GSTCD: variants seen among roughly 807,000 people sequenced by gnomAD.
GSTCD encodes the protein glutathione S-transferase C-terminal domain containing, also known as glutathione S-transferase C-terminal domain-containing protein.
A neutral mutation model predicts 68.3 loss-of-function variants in GSTCD; 44 were observed. That is an observed-to-expected ratio of 0.64 (90% CI 0.51 to 0.83). The LOEUF (loss-of-function observed/expected upper bound fraction) is 0.83, where lower values mean the gene tolerates loss of function less well. Among genes scored for constraint, GSTCD ranks in the 40% least tolerant of loss-of-function variants. The probability of loss-of-function intolerance (pLI) is 0.00; values close to 1 mark genes in which losing one functional copy is unlikely to be tolerated. For synonymous variants in GSTCD, 273 were observed against 255.2 expected (o/e 1.07, Z -0.67); for missense variants, 739 against 735.9 (o/e 1.00, Z -0.05).
intron 7 of GSTCD, 101 bp downstream of exon 7, chr4:105,823,376 C>A: frequency 1.1e-6 from 1 of 898,852 alleles, no homozygotes; most frequent in Non-Finnish European, 1.8e-6. Flanking sequence ...GTCACTCACC[C>A]AAGTCAAATA....
Position 105,717,963 on chromosome 4 carries a change from A to T in GSTCD, c.350A>T (p.Tyr117Phe), listed in dbSNP as rs763281884. The stretch of plus-strand genomic sequence containing the variant: ...TTGAGACACATAATCCAGAAATCCT[A>T]TGAAGCAGACCCCTTAAAGAAGGAA... The part of the protein sequence containing the change: ...VVLRHIIQKS[Y>F]EADPLKKELL... Residue 117 changes from tyrosine (Y) to phenylalanine (F), a missense_variant, in exon 2 of 12, where the codon TAT (tyrosine) becomes TTT (phenylalanine). Physicochemically the swap from Tyr to Phe is conservative, Grantham distance 22. Transcript: ENST00000515279. 2 of 1,614,094 alleles carry T rather than the reference A, an allele frequency of 1.2e-6. No homozygotes were observed. The highest frequency in any genetic ancestry group is 1.7e-6 in the Non-Finnish European group (2 of 1,179,978).
At chr4:105,805,018 C>T (rs1722434866) in intron 5 of GSTCD, among the ~76,000 whole-genome samples, 2 of 151,956 alleles carry the variant, frequency 1.3e-5, no homozygotes, top group Non-Finnish European at 2.9e-5. Flanking sequence ...TTTTATTTCT[C>T]CTTCATATTA....
At chr4:105,841,159 A>G (rs192704400) in intron 10 of GSTCD, among the ~76,000 whole-genome samples, 1 of 151,998 alleles carries the variant, frequency 6.6e-6, no homozygotes, top group African/African-American at 2.4e-5. Flanking sequence ...ACTAAAAAAA[A>G]TAAATAAATA....
At chr4:105,769,981 A>G (rs757020536) in intron 5 of GSTCD, among the ~76,000 whole-genome samples, 2 of 152,042 alleles carry the variant, frequency 1.3e-5, no homozygotes, top group African/African-American at 2.4e-5. Flanking sequence ...TGGTCTCCCA[A>G]TTCCTGAGTT....
intron 5 of GSTCD, among the ~76,000 whole-genome samples, chr4:105,804,997 TA>T (rs1207791825): frequency 6.6e-6 from 1 of 152,130 alleles, no homozygotes; most frequent in African/African-American, 2.4e-5. Flanking sequence ...GGCTGCATAG[TA>T]AAATACTGAT....
intron 5 of GSTCD, among the ~76,000 whole-genome samples, chr4:105,777,045 G>A (rs1350321343): frequency 2.0e-5 from 3 of 152,142 alleles, no homozygotes; most frequent in Non-Finnish European, 4.4e-5. Context: ...TTGAGCATCT[G>A]TTCTGGAATG....
At chr4:105,832,463 T>C (rs773900890) in intron 8 of GSTCD, among the ~76,000 whole-genome samples, 5 of 152,244 alleles carry the variant, frequency 3.3e-5, no homozygotes, top group African/African-American at 4.8e-5. Context: ...CTCACTTTTT[T>C]GCATGTAGTG....
chr4:105,727,043 C>T (rs1238767534), intron 4 of GSTCD, among the ~76,000 whole-genome samples: 1 of 149,326 alleles, frequency 6.7e-6, no homozygotes. Context: ...TTTTTGGAGC[C>T]AAGTAAGTCA....
At chr4:105,774,281 C>G (rs1279828559) in intron 5 of GSTCD, among the ~76,000 whole-genome samples, 1 of 152,180 alleles carries the variant, frequency 6.6e-6, no homozygotes, top group Non-Finnish European at 1.5e-5. Flanking sequence ...GAATAGAGCA[C>G]ACTGATGGGT....
intron 5 of GSTCD, among the ~76,000 whole-genome samples, chr4:105,802,659 A>G (rs922983915): frequency 6.6e-6 from 1 of 152,046 alleles, no homozygotes; most frequent in African/African-American, 2.4e-5. Context: ...TCTATTCACC[A>G]TACTCCTCAT....
chr4:105,825,565 A>T, intron 7 of GSTCD, 107 bp from the exon 8 acceptor site: 3 of 654,106 alleles, frequency 4.6e-6, no homozygotes, highest in Non-Finnish European at 7.9e-6. Flanking sequence ...TAGAGGCTCA[A>T]TATAATACGT....
intron 8 of GSTCD, among the ~76,000 whole-genome samples, chr4:105,829,670 T>G (rs998494852): frequency 2.6e-5 from 4 of 152,122 alleles, no homozygotes; most frequent in African/African-American, 9.7e-5. Flanking sequence ...ACTGGGTCCC[T>G]TCCATGACAT....
intron 5 of GSTCD, among the ~76,000 whole-genome samples, chr4:105,758,841 C>T (rs551465100): frequency 1.1e-4 from 16 of 152,148 alleles, no homozygotes; most frequent in East Asian, 3.9e-4. Flanking sequence ...GACATTAATT[C>T]GTTCAATTTT....
chr4:105,830,767 C>T (rs748857457), intron 8 of GSTCD, among the ~76,000 whole-genome samples: 1 of 151,884 alleles, frequency 6.6e-6, no homozygotes, highest in African/African-American at 2.4e-5. Context: ...GGGTAGGGAA[C>T]AACTTGGATG....
intron 5 of GSTCD, among the ~76,000 whole-genome samples, chr4:105,735,929 A>T (rs575766688): frequency 6.6e-6 from 1 of 152,196 alleles, no homozygotes; most frequent in South Asian, 2.1e-4. Context: ...TGCCATTATC[A>T]TACCTAATAA....
intron 1 of GSTCD, among the ~76,000 whole-genome samples, chr4:105,712,912 G>GA (rs1732579732): frequency 6.6e-6 from 1 of 152,112 alleles, no homozygotes; most frequent in African/African-American, 2.4e-5. Context: ...GGAGTTAGAG[G>GA]AGAAGATACG....
At chr4:105,829,668 C>G (rs1342920909) in intron 8 of GSTCD, among the ~76,000 whole-genome samples, 1 of 152,076 alleles carries the variant, frequency 6.6e-6, no homozygotes, top group Non-Finnish European at 1.5e-5. Context: ...CCACTGGGTC[C>G]CTTCCATGAC....
chr4:105,783,819 AAGTTTCCTT>A (rs1735368391), intron 5 of GSTCD, among the ~76,000 whole-genome samples: 2 of 152,174 alleles, frequency 1.3e-5, no homozygotes, highest in Non-Finnish European at 2.9e-5. Context: ...TGTAGTTTTC[AAGTTTCCTT>A]AGTTTCCTTT....
rs754764622 is a variant in GSTCD at position 105,717,748 on chromosome 4, C to T, written c.135C>T (p.Ile45=). 1.9e-6 allele frequency: 3 copies of T among 1,613,772 alleles called. No individual in the cohort carries two copies. The highest frequency in any genetic ancestry group is 2.5e-6 in the Non-Finnish European group (3 of 1,179,758). Residue 45 remains isoleucine, a synonymous_variant, in exon 2 of 12, where the codon ATC becomes ATT. Coordinates refer to ENST00000515279, the MANE Select transcript of GSTCD (RefSeq NM_001370181.1). ...LFLLSYCDCK[I]FKICLVVTKE... is the part of the protein sequence containing the mutation. ...TGTTATCTTACTGTGACTGTAAAAT[C>T]TTTAAAATTTGCTTAGTTGTCACCA...
Sources: gnomAD v4.1 joint callset for allele counts (sites outside exome capture counted in the v4.1 genomes callset) on GRCh38, gnomAD v4.1.1 for gene constraint, MANE v1.5 for transcripts, NCBI Gene and HGNC (gene_info 2026-07-23, HGNC 2026-07-21) for gene names.